The following CNTN4 variants were observed in gnomAD, a reference collection of about 807,000 sequenced individuals.
CNTN4 encodes the protein contactin 4.
CNTN4 carries 77 observed loss-of-function variants against 122.5 expected under a neutral mutation model. That is an observed-to-expected ratio of 0.63 (90% CI 0.52 to 0.76). CNTN4 has a LOEUF of 0.76. CNTN4 is among the 30% of genes least tolerant of loss of function. CNTN4 has a pLI of 0.00. For synonymous variants in CNTN4, 512 were observed against 447.0 expected (o/e 1.15, Z -1.83); for missense variants, 1,256 against 1,259.1 (o/e 1.00, Z 0.04).
intron 4 of CNTN4, among the ~76,000 whole-genome samples, chr3:2,613,521 A>G (rs17017302): frequency 6.6e-6 from 1 of 151,948 alleles, no homozygotes; most frequent in Admixed American, 6.6e-5. Flanking sequence ...GTAAAGCACT[A>G]TTTGTATTTC....
Position 2,902,951 on chromosome 3 carries a change from T to C in CNTN4, c.1153T>C (p.Leu385=). The change falls in exon 12 of 25, where the codon TTG becomes CTG. Residue 385 remains leucine (L), a synonymous_variant. Transcript: ENST00000418658. ...NLSDAGMYQC[L]AENKHGVIFS... is the part of the protein sequence containing the mutation. The stretch of plus-strand genomic sequence containing the variant: ...CTCAGATGCTGGCATGTATCAGTGT[T>C]TGGCAGAGAATAAACATGGAGTTAT... 1 of 1,613,948 alleles carries C rather than the reference T, an allele frequency of 6.2e-7. No individual in the cohort carries two copies. Among genetic ancestry groups the C allele is most frequent in the Non-Finnish European group, 8.5e-7 (1 of 1,179,912 alleles).
intron 7 of CNTN4, among the ~76,000 whole-genome samples, chr3:2,859,982 G>C (rs116213537): frequency 0.038 from 5,778 of 152,246 alleles, 133 homozygotes; most frequent in African/African-American, 0.046. Flanking sequence ...TACCTGACCA[G>C]AAAATGCACC....
intron 12 of CNTN4, among the ~76,000 whole-genome samples, chr3:2,911,401 C>A (rs2094298205): frequency 6.6e-6 from 1 of 152,188 alleles, no homozygotes; most frequent in Admixed American, 6.5e-5. Flanking sequence ...GAAGATGCAT[C>A]ATCAGAAAAG....
intron 2 of CNTN4, among the ~76,000 whole-genome samples, chr3:2,301,051 A>G (rs918614400): frequency 6.6e-6 from 1 of 152,224 alleles, no homozygotes; most frequent in African/African-American, 2.4e-5. Flanking sequence ...GTATTAAGCC[A>G]TCCTTGCTAT....
At chr3:2,695,876 A>C (rs989119155) in intron 4 of CNTN4, among the ~76,000 whole-genome samples, 1 of 152,172 alleles carries the variant, frequency 6.6e-6, no homozygotes, top group Non-Finnish European at 1.5e-5. Flanking sequence ...ATAGGAAGGG[A>C]GACAATAGAA....
chr3:2,578,186 G>A (rs773817689), intron 4 of CNTN4, among the ~76,000 whole-genome samples: 55 of 152,316 alleles, frequency 3.6e-4, no homozygotes, highest in Non-Finnish European at 6.8e-4. Context: ...TACAAAGAAT[G>A]CTCATTGGTC....
chr3:2,476,272 C>T (rs1471349586), intron 3 of CNTN4, among the ~76,000 whole-genome samples: 1 of 152,132 alleles, frequency 6.6e-6, no homozygotes, highest in Non-Finnish European at 1.5e-5. Flanking sequence ...AGGTTAAGTA[C>T]ATGGAAGTGG....
At chr3:2,474,897 T>C (rs1230964907) in intron 3 of CNTN4, among the ~76,000 whole-genome samples, 1 of 152,222 alleles carries the variant, frequency 6.6e-6, no homozygotes, top group Non-Finnish European at 1.5e-5. Flanking sequence ...ATATTCTTTC[T>C]GTGAAGACAG....
At chr3:2,330,236 T>C (rs1013656770) in intron 2 of CNTN4, among the ~76,000 whole-genome samples, 6 of 152,146 alleles carry the variant, frequency 3.9e-5, no homozygotes, top group Admixed American at 2.0e-4. Context: ...AAGAAATGCA[T>C]AGGAAAAGGT....
intron 6 of CNTN4, among the ~76,000 whole-genome samples, chr3:2,807,094 A>ACAGTGGC (rs2092485528): frequency 6.6e-6 from 1 of 152,180 alleles, no homozygotes; most frequent in Admixed American, 6.5e-5. Flanking sequence ...AGTGTCTAAA[A>ACAGTGGC]CAGTGGCTGG....
chr3:2,302,540 A>C (rs2042562426), intron 2 of CNTN4, among the ~76,000 whole-genome samples: 1 of 152,222 alleles, frequency 6.6e-6, no homozygotes, highest in Non-Finnish European at 1.5e-5. Flanking sequence ...GTATATATTA[A>C]CTAAAGTCGT....
At chr3:2,592,748 T>C (rs1576137409) in intron 4 of CNTN4, among the ~76,000 whole-genome samples, 1 of 152,342 alleles carries the variant, frequency 6.6e-6, no homozygotes. Flanking sequence ...TCATCAGCAG[T>C]GTGAAAACTG....
intron 2 of CNTN4, among the ~76,000 whole-genome samples, chr3:2,201,208 A>G (rs1032336477): frequency 3.3e-5 from 5 of 152,174 alleles, no homozygotes; most frequent in African/African-American, 1.2e-4. Context: ...AGAAAGTTGG[A>G]CCTTAAAATG....
intron 3 of CNTN4, among the ~76,000 whole-genome samples, chr3:2,410,627 C>T (rs1053702265): frequency 1.3e-5 from 2 of 152,092 alleles, no homozygotes; most frequent in African/African-American, 2.4e-5. Context: ...AATAAGACTG[C>T]GGTAGAAAGC....
chr3:2,856,222 G>C (rs1343502884), intron 7 of CNTN4, among the ~76,000 whole-genome samples: 2 of 152,198 alleles, frequency 1.3e-5, no homozygotes, highest in East Asian at 1.9e-4. Context: ...CTGGAAGATG[G>C]AGGAGAGATG....
intron 4 of CNTN4, among the ~76,000 whole-genome samples, chr3:2,717,553 T>A (rs1364622561): frequency 6.6e-6 from 1 of 152,244 alleles, no homozygotes. Context: ...TGTATCCTTT[T>A]ACATTATGAT....
chr3:2,952,844 T>G (rs1326779675), intron 13 of CNTN4, among the ~76,000 whole-genome samples: 1 of 152,208 alleles, frequency 6.6e-6, no homozygotes, highest in Non-Finnish European at 1.5e-5. Flanking sequence ...GCAGCTGTAT[T>G]TTGGGCATCT....
chr3:2,660,670 A>T (rs1334105697), intron 4 of CNTN4, among the ~76,000 whole-genome samples: 2 of 152,248 alleles, frequency 1.3e-5, no homozygotes, highest in Non-Finnish European at 2.9e-5. Flanking sequence ...TTTGGGGATT[A>T]TACCTGCCTC....
intron 2 of CNTN4, among the ~76,000 whole-genome samples, chr3:2,199,751 C>G (rs1153543): frequency 0.12 from 18,162 of 152,116 alleles, 1,250 homozygotes; most frequent in East Asian, 0.25. Context: ...AAGACAAACA[C>G]CCAATACATG....
Sources: allele counts gnomAD v4.1 joint callset (sites outside exome capture counted in the v4.1 genomes callset), GRCh38; gene constraint gnomAD v4.1.1; transcripts MANE v1.5; gene names NCBI Gene and HGNC (gene_info 2026-07-23, HGNC 2026-07-21).